PRKN: variants seen among roughly 807,000 people sequenced by gnomAD.
The protein encoded by PRKN is parkin RBR E3 ubiquitin protein ligase.
A neutral mutation model predicts 59.5 loss-of-function variants in PRKN; 56 were observed. That is an observed-to-expected ratio of 0.94 (90% CI 0.76 to 1.18). The LOEUF (loss-of-function observed/expected upper bound fraction) is 1.18, where lower values mean the gene tolerates loss of function less well. Among genes scored for constraint, PRKN ranks in the 50% most tolerant of loss-of-function variants. The probability of loss-of-function intolerance (pLI) is 0.00; values close to 1 mark genes in which losing one functional copy is unlikely to be tolerated. For missense variants in PRKN, 657 were observed against 596.4 expected, an observed-to-expected ratio of 1.10 and a Z score of -1.06; for synonymous variants, 250 against 222.1, an observed-to-expected ratio of 1.13 and a Z score of -1.12.
intron 6 of PRKN, among the ~76,000 whole-genome samples, chr6:161,909,225 C>T (rs1346711339): frequency 2.0e-5 from 3 of 152,076 alleles, no homozygotes; most frequent in East Asian, 1.9e-4. Flanking sequence ...ATTTTGTTTC[C>T]GCAGAAATGT....
chr6:161,733,804 A>ATATATATATATATATATATATG (rs1787845591), intron 7 of PRKN, among the ~76,000 whole-genome samples: 1 of 129,074 alleles, frequency 7.7e-6, no homozygotes, highest in African/African-American at 3.9e-5. Flanking sequence ...ATATGTATAT[A>ATATATATATATATATATATATG]TATATATATA....
chr6:161,519,371 G>A (rs781270133), intron 9 of PRKN, among the ~76,000 whole-genome samples: 8 of 152,250 alleles, frequency 5.3e-5, no homozygotes, highest in Non-Finnish European at 8.8e-5. Flanking sequence ...AAATGCAGAC[G>A]CCAATTACTC....
At chr6:162,591,437 T>A (rs1781304128) in intron 1 of PRKN, among the ~76,000 whole-genome samples, 1 of 152,180 alleles carries the variant, frequency 6.6e-6, no homozygotes. Context: ...TTACGTGCAT[T>A]GAATGTGTAA....
intron 2 of PRKN, among the ~76,000 whole-genome samples, chr6:162,391,892 T>G (rs1787217552): frequency 6.6e-6 from 1 of 152,182 alleles, no homozygotes; most frequent in Non-Finnish European, 1.5e-5. Flanking sequence ...GCATTACATT[T>G]TTCCTGAGAA....
At chr6:162,714,990 T>C (rs1474161898) in intron 1 of PRKN, among the ~76,000 whole-genome samples, 1 of 152,246 alleles carries the variant, frequency 6.6e-6, no homozygotes. Context: ...AAAGTCATCG[T>C]CCTTGTGCTA....
In PRKN at chr6:161,461,987, G is replaced by A. The variant is rs760260797; in HGVS notation, c.1084-75110C>T. ...TAAAGGGCAGGTGGAAGACTAGCTT[G>A]CAATGTGGGCTGTGAAGGATGGCAA... On this transcript the variant is annotated intron_variant, in intron 9 of 11. Transcript: ENST00000366898. The surrounding 1 kb of genome is among the most constrained non-coding windows in gnomAD (Gnocchi z 5.1). Among the ~76,000 whole-genome samples the A allele has an allele frequency of 3.1e-4, 47 of 152,138 alleles. No homozygotes were observed. Among genetic ancestry groups the A allele is most frequent in the Non-Finnish European group, 6.2e-4 (42 of 68,026 alleles).
rs1370834252 is a variant in PRKN at position 161,502,369 on chromosome 6, A to C, written c.1083+46485T>G. Among the ~76,000 whole-genome samples, 1 of 152,144 alleles carries C rather than the reference A, an allele frequency of 6.6e-6. No individual in the cohort carries two copies. ...TTTGGCTGTGCAGAAAACCAATGACATCAAAAGGAGAGCTTCTAGAAGTAA... is the reference window on the plus strand; with the variant it reads ...TTTGGCTGTGCAGAAAACCAATGACCTCAAAAGGAGAGCTTCTAGAAGTAA... On this transcript the variant is annotated intron_variant, in intron 9 of 11. Coordinates refer to ENST00000366898, the MANE Select transcript of PRKN (RefSeq NM_004562.3). This position sits in a 1 kb window ranked among gnomAD's most constrained non-coding sequence, Gnocchi z 4.0.
chr6:161,525,536 A>G lies in PRKN; in HGVS notation c.1083+23318T>C, dbSNP rs1251800131. ...CATGAATTTAAGGGATGTTTTTATTATAAGATCAGAGAAGGAAAAATGATC... is the reference window on the plus strand; with the variant it reads ...CATGAATTTAAGGGATGTTTTTATTGTAAGATCAGAGAAGGAAAAATGATC... On this transcript the variant is annotated intron_variant, in intron 9 of 11. Coordinates refer to ENST00000366898, the MANE Select transcript of PRKN (RefSeq NM_004562.3). The surrounding 1 kb of genome is among the most constrained non-coding windows in gnomAD (Gnocchi z 4.7). 2.0e-5 allele frequency among the ~76,000 whole-genome samples: 3 copies of G among 152,206 alleles called. No homozygotes were observed. The highest frequency in any genetic ancestry group is 6.5e-5 in the Admixed American group (1 of 15,272).
rs1784688441 is a variant in PRKN, at chr6:161,354,787, T to C, written c.1286-4576A>G. The stretch of plus-strand genomic sequence containing the variant: ...TTTAAACAGTTTAGGCCATCGCTAA[T>C]AAGCTTCAAGTCTCAGCTTTTCTGT... On this transcript the variant is annotated intron_variant, in intron 11 of 11. Transcript: ENST00000366898. This position sits in a 1 kb window ranked among gnomAD's most constrained non-coding sequence, Gnocchi z 6.7. 6.6e-6 allele frequency among the ~76,000 whole-genome samples: 1 copy of C among 152,210 alleles called. No homozygotes were observed. Among genetic ancestry groups the C allele is most frequent in the South Asian group, 2.1e-4 (1 of 4,834 alleles).
chr6:161,718,001 G>A (rs1271377739), intron 7 of PRKN, among the ~76,000 whole-genome samples: 6 of 152,304 alleles, frequency 3.9e-5, no homozygotes, highest in South Asian at 4.1e-4. Flanking sequence ...ATGGCAGAAC[G>A]TGGGGAGAAA....
At chr6:162,579,996 A>G (rs1780726064) in intron 1 of PRKN, among the ~76,000 whole-genome samples, 1 of 152,198 alleles carries the variant, frequency 6.6e-6, no homozygotes, top group South Asian at 2.1e-4. Flanking sequence ...GAACGTTATC[A>G]TTATTTTAGA....
At chr6:161,925,161 A>G (rs537496100) in intron 6 of PRKN, among the ~76,000 whole-genome samples, 9 of 152,318 alleles carry the variant, frequency 5.9e-5, no homozygotes, top group Admixed American at 1.3e-4. Context: ...GATTATGCAT[A>G]CAAATTTAAA....
chr6:162,021,294 T>TAAAA, intron 5 of PRKN, among the ~76,000 whole-genome samples: 1 of 41,844 alleles, frequency 2.4e-5, no homozygotes, highest in Admixed American at 3.4e-4. Flanking sequence ...AAAACCACAC[T>TAAAA]TAAATGACTA....
intron 9 of PRKN, among the ~76,000 whole-genome samples, chr6:161,520,225 C>CTTT (rs76575980): frequency 9.8e-5 from 5 of 50,790 alleles, no homozygotes; most frequent in African/African-American, 2.5e-4. Flanking sequence ...TCTCTCTATG[C>CTTT]ATTTTTTTTT....
chr6:162,138,644 T>C (rs1309400871), intron 4 of PRKN, among the ~76,000 whole-genome samples: 2 of 152,106 alleles, frequency 1.3e-5, no homozygotes, highest in African/African-American at 4.8e-5. Context: ...ACATGCTCCA[T>C]ATGTCCAAGG....
At chr6:162,072,025 T>C (rs1282980546) in intron 4 of PRKN, among the ~76,000 whole-genome samples, 1 of 152,236 alleles carries the variant, frequency 6.6e-6, no homozygotes, top group African/African-American at 2.4e-5. Flanking sequence ...TCATTGATTT[T>C]TTAATTCCTT....
intron 2 of PRKN, among the ~76,000 whole-genome samples, chr6:162,330,716 G>C (rs1783527974): frequency 6.6e-6 from 1 of 152,194 alleles, no homozygotes; most frequent in African/African-American, 2.4e-5. Flanking sequence ...GTGAAGTTCT[G>C]GAAGTTACAA....
intron 5 of PRKN, among the ~76,000 whole-genome samples, chr6:161,987,910 T>A (rs1473854480): frequency 1.3e-5 from 2 of 152,188 alleles, no homozygotes; most frequent in East Asian, 3.9e-4. Flanking sequence ...TGCAGCATCA[T>A]CCGGTTGCTA....
At chr6:162,394,984 TATC>T (rs1168170127) in intron 2 of PRKN, among the ~76,000 whole-genome samples, 12 of 152,356 alleles carry the variant, frequency 7.9e-5, no homozygotes, top group African/African-American at 2.9e-4. Context: ...TTTGCCTTAA[TATC>T]TATTTGCAGT....
Sources: gnomAD v4.1 joint callset for allele counts (sites outside exome capture counted in the v4.1 genomes callset) on GRCh38, gnomAD v4.1.1 for gene constraint, Gnocchi (gnomAD v3.1) non-coding constraint, MANE v1.5 for transcripts, NCBI Gene and HGNC (gene_info 2026-07-23, HGNC 2026-07-21) for gene names.